The following AKAP7 variants were observed in gnomAD, a reference collection of about 807,000 sequenced individuals.
The protein encoded by AKAP7 is A-kinase anchoring protein 7, also known as A kinase (PRKA) anchor protein 7.
AKAP7 carries 39 observed loss-of-function variants against 39.5 expected under a neutral mutation model. The ratio of observed to expected loss-of-function variants is 0.99; its 90% CI spans 0.76 to 1.29. The LOEUF is 1.29. Among genes scored for constraint, AKAP7 ranks in the 50% most tolerant of loss-of-function variants. The probability of loss-of-function intolerance (pLI) is 0.00; values close to 1 mark genes in which losing one functional copy is unlikely to be tolerated. For synonymous variants in AKAP7, 140 were observed against 139.1 expected, an observed-to-expected ratio of 1.01 and a Z score of -0.05; for missense variants, 414 against 407.7, an observed-to-expected ratio of 1.02 and a Z score of -0.13.
intron 7 of AKAP7, among the ~76,000 whole-genome samples, chr6:131,222,575 T>A (rs1374634097): frequency 6.6e-6 from 1 of 151,598 alleles, no homozygotes; most frequent in African/African-American, 2.4e-5. Context: ...AAATTAGGAG[T>A]GAAGCCTGAA....
chr6:131,177,244 G>A (rs1014172669), intron 5 of AKAP7, among the ~76,000 whole-genome samples: 5 of 152,168 alleles, frequency 3.3e-5, no homozygotes, highest in Admixed American at 2.0e-4. Context: ...CAGAATACTT[G>A]AGGCTGGGTA....
At chr6:131,250,063 C>A in intron 7 of AKAP7, 1 of 658,600 alleles carries the variant, frequency 1.5e-6, no homozygotes, top group Non-Finnish European at 1.9e-6. Flanking sequence ...GTTTTCTATT[C>A]ATAAACCACA....
chr6:131,209,120 A>G (rs1808406141), intron 6 of AKAP7, among the ~76,000 whole-genome samples: 1 of 151,996 alleles, frequency 6.6e-6, no homozygotes, highest in Non-Finnish European at 1.5e-5. Flanking sequence ...AGCCATTAGT[A>G]TTTGGTAGAA....
intron 7 of AKAP7, among the ~76,000 whole-genome samples, chr6:131,231,875 T>G (rs1318194747): frequency 6.6e-6 from 1 of 152,222 alleles, no homozygotes; most frequent in Non-Finnish European, 1.5e-5. Context: ...GAAACATGCC[T>G]TCTAAAAAGA....
At chr6:131,152,166 T>A (rs1801976521) in intron 2 of AKAP7, among the ~76,000 whole-genome samples, 1 of 151,564 alleles carries the variant, frequency 6.6e-6, no homozygotes, top group Admixed American at 6.6e-5. Context: ...ATAAATTAAA[T>A]TTGTAAGATG....
chr6:131,214,815 A>G (rs143785015), intron 6 of AKAP7, among the ~76,000 whole-genome samples: 207 of 152,318 alleles, frequency 1.4e-3, no homozygotes, highest in African/African-American at 4.8e-3. Flanking sequence ...AATGATTAAT[A>G]TTCTTAGAAT....
intron 5 of AKAP7, among the ~76,000 whole-genome samples, chr6:131,179,522 C>T (rs538583261): frequency 9.9e-5 from 15 of 152,100 alleles, no homozygotes; most frequent in Admixed American, 2.0e-4. Flanking sequence ...TTAGGCTCCA[C>T]GAGGGCCAGG....
chr6:131,184,981 A>T, intron 5 of AKAP7: 1 of 767,498 alleles, frequency 1.3e-6, no homozygotes, highest in Middle Eastern at 2.3e-4. Flanking sequence ...TCTTCACAGT[A>T]CTCATCATCG....
intron 2 of AKAP7, among the ~76,000 whole-genome samples, chr6:131,157,250 G>C (rs762990842): frequency 6.6e-6 from 1 of 152,086 alleles, no homozygotes; most frequent in Non-Finnish European, 1.5e-5. Context: ...CTATGAAGTA[G>C]CTATTATTAT....
At chr6:131,244,419 A>T (rs180922591) in intron 7 of AKAP7, among the ~76,000 whole-genome samples, 39 of 152,368 alleles carry the variant, frequency 2.6e-4, no homozygotes, top group South Asian at 1.7e-3. Context: ...TTAAACTGAT[A>T]GCAGGGTATG....
chr6:131,270,476 A>G (rs1200284683), intron 7 of AKAP7, among the ~76,000 whole-genome samples: 1 of 152,196 alleles, frequency 6.6e-6, no homozygotes, highest in East Asian at 1.9e-4. Context: ...GTTGAAGAGT[A>G]TTTGAGTTGT....
chr6:131,135,059 A>G (rs1033131532), upstream of AKAP7, among the ~76,000 whole-genome samples: 2 of 152,224 alleles, frequency 1.3e-5, no homozygotes, highest in African/African-American at 4.8e-5. Flanking sequence ...GCAGTTTTTA[A>G]AAGTAAGGTA....
At chr6:131,202,182 C>T (rs1807634526) in intron 6 of AKAP7, among the ~76,000 whole-genome samples, 1 of 149,902 alleles carries the variant, frequency 6.7e-6, no homozygotes, top group East Asian at 1.9e-4. Context: ...CTAGTTCAAC[C>T]ATTGTGGAAG....
intron 3 of AKAP7, chr6:131,164,210 G>T: frequency 8.8e-6 from 3 of 341,388 alleles, no homozygotes; most frequent in Non-Finnish European, 1.7e-5. Flanking sequence ...CTATTGTGCT[G>T]CCTCAGGGCT....
chr6:131,228,386 T>A (rs989496271), intron 7 of AKAP7, among the ~76,000 whole-genome samples: 6 of 152,262 alleles, frequency 3.9e-5, no homozygotes, highest in Non-Finnish European at 7.3e-5. Context: ...GCGATAGATA[T>A]GTGCATGAAT....
At chr6:131,234,189 A>G (rs1810845160) in intron 7 of AKAP7, among the ~76,000 whole-genome samples, 1 of 152,186 alleles carries the variant, frequency 6.6e-6, no homozygotes, top group Admixed American at 6.5e-5. Flanking sequence ...TTTGGTTATT[A>G]TAATTTATTT....
chr6:131,227,828 A>G (rs904896816), intron 7 of AKAP7, among the ~76,000 whole-genome samples: 3 of 152,216 alleles, frequency 2.0e-5, no homozygotes, highest in Non-Finnish European at 4.4e-5. Context: ...GAATTATTCC[A>G]TTTAGATGTC....
Position 131,271,423 on chromosome 6 carries a change from T to C in AKAP7, c.851-10107T>C, listed in dbSNP as rs186017787. Among the ~76,000 whole-genome samples the C allele has an allele frequency of 8.4e-3, 1,278 of 152,316 alleles. 11 individuals are homozygous for C. Among genetic ancestry groups the C allele is most frequent in the Admixed American group, 0.029 (447 of 15,294 alleles). ...TTTATTATCTATATGTCTATACTTATGCCAATACCACACTGTCTCTCTTTC... is the reference window on the plus strand; with the variant it reads ...TTTATTATCTATATGTCTATACTTACGCCAATACCACACTGTCTCTCTTTC... On this transcript the variant is annotated intron_variant, in intron 7 of 7. Transcript: ENST00000431975.
At chr6:131,200,536 T>C (rs558494909) in intron 6 of AKAP7, among the ~76,000 whole-genome samples, 1 of 152,296 alleles carries the variant, frequency 6.6e-6, no homozygotes, top group South Asian at 2.1e-4. Flanking sequence ...TTGTATTTAA[T>C]GTCTCTGTCC....
Sources: gnomAD v4.1 joint callset for allele counts (sites outside exome capture counted in the v4.1 genomes callset) on GRCh38, gnomAD v4.1.1 for gene constraint, MANE v1.5 for transcripts, NCBI Gene and HGNC (gene_info 2026-07-23, HGNC 2026-07-21) for gene names.